UBE3D: variants seen among roughly 807,000 people sequenced by gnomAD.
UBE3D encodes ubiquitin protein ligase E3D.
In UBE3D, 48 loss-of-function variants were observed where a neutral mutation model predicts 49.6. The ratio of observed to expected loss-of-function variants is 0.97; its 90% CI spans 0.77 to 1.23. UBE3D has a LOEUF of 1.23. Among genes scored for constraint, UBE3D ranks in the 50% most tolerant of loss-of-function variants. The pLI is 0.00. For missense variants in UBE3D, 452 were observed against 468.4 expected (o/e 0.96, Z 0.32); for synonymous variants, 189 against 174.2 (o/e 1.08, Z -0.67).
intron 9 of UBE3D, among the ~76,000 whole-genome samples, chr6:82,951,546 C>G (rs1477987384): frequency 6.6e-6 from 1 of 152,160 alleles, no homozygotes; most frequent in Non-Finnish European, 1.5e-5. Context: ...CAGTGAGAGT[C>G]AATCCTTAAG....
At chr6:82,999,438 G>A (rs1039352122) in intron 8 of UBE3D, among the ~76,000 whole-genome samples, 5 of 152,142 alleles carry the variant, frequency 3.3e-5, no homozygotes, top group African/African-American at 1.2e-4. Flanking sequence ...AGGCTGGAGT[G>A]CAGTGGCGCG....
At chr6:82,959,051 G>T (rs1582468543) in intron 8 of UBE3D, among the ~76,000 whole-genome samples, 1 of 152,024 alleles carries the variant, frequency 6.6e-6, no homozygotes, top group Admixed American at 6.6e-5. Flanking sequence ...TCCAAGTCTT[G>T]GGTGATAAGC....
At chr6:82,980,382 T>C (rs1778031022) in intron 8 of UBE3D, among the ~76,000 whole-genome samples, 1 of 152,136 alleles carries the variant, frequency 6.6e-6, no homozygotes, top group Non-Finnish European at 1.5e-5. Context: ...TGGTATGTCT[T>C]TTGAAAAATG....
At chr6:82,937,299 T>A (rs1374558192) in intron 9 of UBE3D, among the ~76,000 whole-genome samples, 1 of 149,242 alleles carries the variant, frequency 6.7e-6, no homozygotes, top group Admixed American at 6.8e-5. Flanking sequence ...CTCCCCAGGC[T>A]GTTGTTTCCC....
intron 8 of UBE3D, 181 bp downstream of exon 8, chr6:83,018,792 A>T: frequency 1.5e-6 from 1 of 685,510 alleles, no homozygotes. Context: ...TCTGCATATT[A>T]ACATGAATCA....
chr6:82,995,235 G>A (rs527674594), intron 8 of UBE3D, among the ~76,000 whole-genome samples: 1 of 152,148 alleles, frequency 6.6e-6, no homozygotes, highest in Non-Finnish European at 1.5e-5. Context: ...AAAAGCAAAT[G>A]ATTTTGCTTA....
chr6:83,024,722 C>T (rs908420880), intron 5 of UBE3D, among the ~76,000 whole-genome samples: 1 of 152,112 alleles, frequency 6.6e-6, no homozygotes, highest in Non-Finnish European at 1.5e-5. Context: ...TCATTTAGAA[C>T]CAGTGTCCAG....
At chr6:82,905,042 A>G (rs1648244949) in intron 9 of UBE3D, among the ~76,000 whole-genome samples, 1 of 152,128 alleles carries the variant, frequency 6.6e-6, no homozygotes, top group Non-Finnish European at 1.5e-5. Flanking sequence ...TTGCTGACAT[A>G]ATCCACTCCT....
chr6:82,954,214 A>G (rs1776001869), intron 9 of UBE3D, among the ~76,000 whole-genome samples: 1 of 152,200 alleles, frequency 6.6e-6, no homozygotes, highest in African/African-American at 2.4e-5. Flanking sequence ...TGATAAGTCC[A>G]TCCATCTTCT....
intron 1 of UBE3D, among the ~76,000 whole-genome samples, chr6:83,063,773 T>C (rs1018777657): frequency 2.6e-5 from 4 of 152,224 alleles, no homozygotes; most frequent in African/African-American, 7.2e-5. Context: ...AACTCATTTT[T>C]TTTCTGGTTG....
downstream of UBE3D, among the ~76,000 whole-genome samples, chr6:82,891,019 C>T (rs1770969197): frequency 1.5e-5 from 2 of 131,370 alleles, no homozygotes; most frequent in African/African-American, 6.8e-5. Flanking sequence ...GAAACAGTCA[C>T]ACATAAAGGC....
intron 7 of UBE3D, among the ~76,000 whole-genome samples, chr6:83,020,392 TATA>T (rs1781010079): frequency 6.6e-6 from 1 of 151,308 alleles, no homozygotes; most frequent in Non-Finnish European, 1.5e-5. Context: ...TGTACATATA[TATA>T]GTTGTATATG....
chr6:82,959,260 G>A (rs766832493), intron 8 of UBE3D, among the ~76,000 whole-genome samples: 4 of 150,440 alleles, frequency 2.7e-5, no homozygotes, highest in Non-Finnish European at 2.9e-5. Context: ...AATCTGTAGA[G>A]CATAAGTCTT....
At chr6:83,001,110 C>T (rs1027442457) in intron 8 of UBE3D, among the ~76,000 whole-genome samples, 3 of 152,320 alleles carry the variant, frequency 2.0e-5, no homozygotes, top group South Asian at 2.1e-4. Context: ...TCCCAAAGTG[C>T]TGGAATTACA....
chr6:83,042,305 T>A (rs1194186481), intron 4 of UBE3D, among the ~76,000 whole-genome samples: 1 of 152,174 alleles, frequency 6.6e-6, no homozygotes, highest in Non-Finnish European at 1.5e-5. Context: ...AGGTATCTTT[T>A]AAAAATAAGT....
intron 4 of UBE3D, among the ~76,000 whole-genome samples, chr6:83,041,406 T>C (rs770180722): frequency 1.2e-4 from 18 of 152,220 alleles, no homozygotes; most frequent in Admixed American, 2.0e-4. Context: ...AACAAACCTA[T>C]GCTAAAAGAT....
At chr6:83,032,455 T>C (rs1423653125) in intron 5 of UBE3D, 2 of 352,516 alleles carry the variant, frequency 5.7e-6, no homozygotes, top group African/African-American at 4.3e-5. Flanking sequence ...CCAATGCCTG[T>C]ACCCCCATTG....
chr6:83,034,211 A>G (rs955519470), intron 5 of UBE3D, among the ~76,000 whole-genome samples: 2 of 152,204 alleles, frequency 1.3e-5, no homozygotes, highest in Non-Finnish European at 2.9e-5. Flanking sequence ...AGATGTGGAT[A>G]TAGATCTCTT....
chr6:83,060,392 G>A (rs1562239593), intron 1 of UBE3D, among the ~76,000 whole-genome samples: 1 of 152,172 alleles, frequency 6.6e-6, no homozygotes, highest in Non-Finnish European at 1.5e-5. Context: ...TATGGTGGTG[G>A]GGCAGAATTA....
Sources: gnomAD v4.1 joint callset for allele counts (sites outside exome capture counted in the v4.1 genomes callset) on GRCh38, gnomAD v4.1.1 for gene constraint, MANE v1.5 for transcripts, NCBI Gene and HGNC (gene_info 2026-07-23, HGNC 2026-07-21) for gene names.